LOC102723971: variants seen among roughly 807,000 people sequenced by gnomAD.
chr9:135,619,720 G>T, the LOC102723971 span, among the ~76,000 whole-genome samples: 1 of 151,934 alleles, frequency 6.6e-6, no homozygotes, highest in Admixed American at 6.5e-5. Context: ...TTCTGCACCC[G>T]GTGAGCCAGG....
the LOC102723971 span, chr9:135,614,355 G>C: frequency 2.5e-6 from 1 of 398,488 alleles, no homozygotes; most frequent in Non-Finnish European, 4.4e-6. Flanking sequence ...CAGAAGGTAC[G>C]TGTCATGGGT....
At chr9:135,618,965 C>A in the LOC102723971 span, 3 of 400,732 alleles carry the variant, frequency 7.5e-6, no homozygotes, top group Admixed American at 4.4e-5. Flanking sequence ...CTAGGTCTGG[C>A]GGTTCTGGAG....
chr9:135,616,242 C>G, the LOC102723971 span, among the ~76,000 whole-genome samples: 1 of 152,186 alleles, frequency 6.6e-6, no homozygotes, highest in South Asian at 2.1e-4. Context: ...TCCCAGTCCC[C>G]AAAACCTGGA....
chr9:135,617,286 G>A, the LOC102723971 span, among the ~76,000 whole-genome samples: 1 of 152,214 alleles, frequency 6.6e-6, no homozygotes, highest in Non-Finnish European at 1.5e-5. Flanking sequence ...TCTGGGCGCT[G>A]CACTGGGAGC....
chr9:135,617,004 TG>T, the LOC102723971 span: 1 of 398,574 alleles, frequency 2.5e-6, no homozygotes, highest in Non-Finnish European at 4.4e-6. Flanking sequence ...CACCAACCTG[TG>T]GGTGCTGCTG....
At chr9:135,619,481 A>C in the LOC102723971 span, among the ~76,000 whole-genome samples, 262 of 151,960 alleles carry the variant, frequency 1.7e-3, no homozygotes, top group African/African-American at 5.7e-3. Flanking sequence ...GACCCACCTC[A>C]CCTGGGTCTG....
the LOC102723971 span, among the ~76,000 whole-genome samples, chr9:135,615,893 G>T: frequency 6.6e-6 from 1 of 152,236 alleles, no homozygotes; most frequent in Non-Finnish European, 1.5e-5. Flanking sequence ...TCCCGAGGAC[G>T]GCTGCACTGT....
the LOC102723971 span, among the ~76,000 whole-genome samples, chr9:135,616,170 G>T: frequency 7.2e-5 from 11 of 152,174 alleles, no homozygotes; most frequent in Admixed American, 6.5e-4. Flanking sequence ...GGAGCATGGG[G>T]GCGAGGGGCC....
the LOC102723971 span, chr9:135,616,954 G>A: frequency 1.0e-5 from 4 of 398,664 alleles, no homozygotes; most frequent in East Asian, 1.4e-4. Context: ...ACCGACTACA[G>A]CAACCTCATT....
the LOC102723971 span, chr9:135,616,709 C>T: frequency 9.8e-5 from 39 of 398,616 alleles, no homozygotes; most frequent in African/African-American, 1.4e-4. Flanking sequence ...TGGGGAGGGG[C>T]GAGCAAGGGG....
At chr9:135,618,664 C>G in the LOC102723971 span, among the ~76,000 whole-genome samples, 4 of 151,384 alleles carry the variant, frequency 2.6e-5, no homozygotes, top group African/African-American at 7.3e-5. Flanking sequence ...GGTCATGCAG[C>G]TGGAACAGGA....
At chr9:135,614,292 C>T in the LOC102723971 span, 4 of 398,678 alleles carry the variant, frequency 1.0e-5, no homozygotes, top group African/African-American at 2.1e-5. Context: ...CTGGGCCTGG[C>T]GGGTGCCCAG....
chr9:135,617,588 G>A, the LOC102723971 span, among the ~76,000 whole-genome samples: 1 of 152,164 alleles, frequency 6.6e-6, no homozygotes, highest in South Asian at 2.1e-4. Flanking sequence ...CAAGAAGGTT[G>A]AGGGGTTGGG....
chr9:135,619,671 C>T, the LOC102723971 span, among the ~76,000 whole-genome samples: 3 of 152,224 alleles, frequency 2.0e-5, no homozygotes, highest in African/African-American at 2.4e-5. Context: ...AGCCAACGCC[C>T]ACTCCTCGGA....
chr9:135,618,498 G>A, the LOC102723971 span, among the ~76,000 whole-genome samples: 145 of 152,252 alleles, frequency 9.5e-4, 1 homozygote, highest in African/African-American at 3.4e-3. Flanking sequence ...ATTGCAGCAA[G>A]CATTGTCATT....
chr9:135,617,195 T>A, the LOC102723971 span, among the ~76,000 whole-genome samples: 1 of 152,114 alleles, frequency 6.6e-6, no homozygotes, highest in South Asian at 2.1e-4. Flanking sequence ...GCAGCTGAGC[T>A]CTTCCTCCGA....
At chr9:135,619,150 CT>C in the LOC102723971 span, among the ~76,000 whole-genome samples, 1 of 152,162 alleles carries the variant, frequency 6.6e-6, no homozygotes, top group Non-Finnish European at 1.5e-5. Flanking sequence ...GTCCCCTCCC[CT>C]GCTGGGAAGG....
the LOC102723971 span, chr9:135,616,551 G>T: frequency 5.0e-6 from 2 of 398,628 alleles, no homozygotes; most frequent in Non-Finnish European, 8.8e-6. Flanking sequence ...CACAGTTGGA[G>T]GCTGACCAGG....
the LOC102723971 span, chr9:135,616,628 C>T: frequency 2.5e-6 from 1 of 398,706 alleles, no homozygotes; most frequent in Non-Finnish European, 4.4e-6. Flanking sequence ...ACCGTCCATC[C>T]AACCCAGTTG....
Sources: allele counts gnomAD v4.1 joint callset (sites outside exome capture counted in the v4.1 genomes callset), GRCh38; gene constraint gnomAD v4.1.1; transcripts MANE v1.5.